Variants in FTO observed in about 807,000 individuals in gnomAD.
FTO encodes FTO alpha-ketoglutarate dependent dioxygenase.
Under a neutral mutation model 63.9 loss-of-function variants are expected in FTO, and 47 were observed. That is an observed-to-expected ratio of 0.74 (90% CI 0.58 to 0.94). FTO has a LOEUF of 0.94. Among genes scored for constraint, FTO ranks in the 40% least tolerant of loss-of-function variants. The pLI, the probability that FTO is intolerant of heterozygous loss-of-function variation, is 0.00. For synonymous variants in FTO, 207 were observed against 224.4 expected (o/e 0.92, Z 0.69); for missense variants, 562 against 618.1 (o/e 0.91, Z 0.96).
intron 8 of FTO, among the ~76,000 whole-genome samples, chr16:53,964,889 GATT>G (rs2083161886): frequency 1.3e-5 from 2 of 152,148 alleles, no homozygotes; most frequent in Admixed American, 6.5e-5. Context: ...TGAGACATTA[GATT>G]ATTATTTTCT....
chr16:53,901,578 G>A (rs2081403895), intron 7 of FTO, among the ~76,000 whole-genome samples: 1 of 152,094 alleles, frequency 6.6e-6, no homozygotes, highest in South Asian at 2.1e-4. Context: ...CCACTCCTTG[G>A]CTAACAGTCC....
chr16:53,833,555 T>C (rs1157486038), intron 3 of FTO, among the ~76,000 whole-genome samples: 2 of 152,246 alleles, frequency 1.3e-5, no homozygotes, highest in Non-Finnish European at 2.9e-5. Flanking sequence ...TACTTTTGTG[T>C]GTATACTTTT....
intron 1 of FTO, among the ~76,000 whole-genome samples, chr16:53,785,917 A>G (rs1214715429): frequency 6.7e-6 from 1 of 150,364 alleles, no homozygotes; most frequent in African/African-American, 2.4e-5. Flanking sequence ...TCAAAAAGAA[A>G]AAAAAAAAAA....
chr16:53,715,694 T>C (rs2075879520), intron 1 of FTO, among the ~76,000 whole-genome samples: 1 of 152,246 alleles, frequency 6.6e-6, no homozygotes, highest in Admixed American at 6.5e-5. Flanking sequence ...AACTGATTTC[T>C]ATCTTCCTGA....
intron 3 of FTO, among the ~76,000 whole-genome samples, chr16:53,838,974 T>C (rs17219802): frequency 0.23 from 35,085 of 152,174 alleles, 4,268 homozygotes; most frequent in Middle Eastern, 0.31. Flanking sequence ...ATATTTTATT[T>C]GAGTATCACT....
chr16:53,773,425 T>A (rs1445552793), intron 1 of FTO, among the ~76,000 whole-genome samples: 1 of 152,122 alleles, frequency 6.6e-6, no homozygotes, highest in Non-Finnish European at 1.5e-5. Flanking sequence ...TCAGGGAAAT[T>A]GTTTTATTGG....
chr16:53,965,150 T>G (rs965005810), intron 8 of FTO, among the ~76,000 whole-genome samples: 4 of 152,082 alleles, frequency 2.6e-5, no homozygotes, highest in African/African-American at 9.7e-5. Flanking sequence ...CTCGGCTCAC[T>G]GCAACCTCCG....
intron 8 of FTO, among the ~76,000 whole-genome samples, chr16:53,989,271 A>G (rs2083745597): frequency 6.6e-6 from 1 of 152,194 alleles, no homozygotes; most frequent in Non-Finnish European, 1.5e-5. Flanking sequence ...GAGGAAAGAA[A>G]ACACAAAATG....
intron 4 of FTO, among the ~76,000 whole-genome samples, chr16:53,868,557 C>CAT (rs139589825): frequency 0.12 from 18,155 of 151,314 alleles, 2,109 homozygotes; most frequent in African/African-American, 0.31. Context: ...GGCACACATA[C>CAT]ATATATATAT....
Position 53,950,155 on chromosome 16 carries a change from TAAAAAAAA to T in FTO, c.1364+16063_1364+16070del, listed in dbSNP as rs57925273. ...GGAAAAAAAAAGATATTCACATTTG[TAAAAAAAA>T]AAAAAAAAAAAAAAAACTTAATCCA... On this transcript the variant is annotated intron_variant, in intron 8 of 8. Coordinates refer to ENST00000471389, the MANE Select transcript of FTO (RefSeq NM_001080432.3). Among the ~76,000 whole-genome samples, 212 of 50,618 alleles carry T rather than the reference TAAAAAAAA, an allele frequency of 4.2e-3. 6 individuals carry two copies. The highest frequency in any genetic ancestry group is 8.2e-3 in the Non-Finnish European group (185 of 22,574). The allele number at this position is 50,618 out of a possible 152,430, so 33.2% of individuals were successfully genotyped here. A position where few individuals can be genotyped will look rare whatever the true frequency, so the allele number is the denominator to read the frequency against.
chr16:54,073,327 C>T (rs2085913443), intron 8 of FTO, among the ~76,000 whole-genome samples: 1 of 152,180 alleles, frequency 6.6e-6, no homozygotes, highest in Non-Finnish European at 1.5e-5. Context: ...TGATGTCTCT[C>T]TTCTCTGACT....
At chr16:54,095,245 G>A (rs1261339313) in intron 8 of FTO, among the ~76,000 whole-genome samples, 1 of 152,068 alleles carries the variant, frequency 6.6e-6, no homozygotes, top group African/African-American at 2.4e-5. Context: ...TCACTCTGTT[G>A]CCCAGGCTGG....
Position 53,796,678 on chromosome 16 carries a change from C to T in FTO, c.46-13462C>T, listed in dbSNP as rs150356630. 7.4e-4 allele frequency among the ~76,000 whole-genome samples: 112 copies of T among 152,176 alleles called. 4 individuals carry two copies. The East Asian group carries it at 0.016, about 22-fold the overall frequency. On this transcript the variant is annotated intron_variant, in intron 1 of 8. Coordinates refer to ENST00000471389, the MANE Select transcript of FTO (RefSeq NM_001080432.3). The stretch of plus-strand genomic sequence containing the variant: ...TAGAAAATCTGAATAAAACAATGAA[C>T]GAAATTGAATGATAATGAAAAGTCC...
chr16:53,929,221 C>T (rs1247569570), intron 7 of FTO, among the ~76,000 whole-genome samples: 1 of 152,196 alleles, frequency 6.6e-6, no homozygotes, highest in Non-Finnish European at 1.5e-5. Context: ...CAAAAATTCC[C>T]TTATGCTGCG....
At chr16:53,892,321 T>A (rs1297425801) in intron 7 of FTO, among the ~76,000 whole-genome samples, 1 of 152,102 alleles carries the variant, frequency 6.6e-6, no homozygotes, top group Non-Finnish European at 1.5e-5. Context: ...GGAAAACGCA[T>A]ACAAAAATAC....
intron 1 of FTO, among the ~76,000 whole-genome samples, chr16:53,714,310 C>T (rs1333351597): frequency 1.3e-5 from 2 of 152,180 alleles, no homozygotes; most frequent in Admixed American, 1.3e-4. Flanking sequence ...CAAGGGCCAG[C>T]ATTTCTCCAG....
chr16:53,726,341 A>G (rs2076153197), intron 1 of FTO, among the ~76,000 whole-genome samples: 1 of 152,214 alleles, frequency 6.6e-6, no homozygotes, highest in Non-Finnish European at 1.5e-5. Context: ...TTTGTTTTGT[A>G]GACATGTAGG....
chr16:53,967,768 T>A (rs1167001534), intron 8 of FTO, among the ~76,000 whole-genome samples: 1 of 152,178 alleles, frequency 6.6e-6, no homozygotes, highest in East Asian at 1.9e-4. Flanking sequence ...TTTTAACAGT[T>A]TGGTTCGGCC....
intron 1 of FTO, among the ~76,000 whole-genome samples, chr16:53,715,253 C>T (rs965667028): frequency 6.6e-6 from 1 of 152,148 alleles, no homozygotes; most frequent in Non-Finnish European, 1.5e-5. Context: ...AACAGAACAT[C>T]ACCCACTTAA....
Sources: gnomAD v4.1 joint callset for allele counts (sites outside exome capture counted in the v4.1 genomes callset) on GRCh38, gnomAD v4.1.1 for gene constraint, MANE v1.5 for transcripts, NCBI Gene and HGNC (gene_info 2026-07-23, HGNC 2026-07-21) for gene names.